The following COPS7B variants were observed in gnomAD, a reference collection of about 807,000 sequenced individuals.
COPS7B encodes the protein COP9 signalosome complex subunit 7b.
COPS7B carries 9 observed loss-of-function variants against 33.4 expected under a neutral mutation model. That is an observed-to-expected ratio of 0.27 (90% CI 0.16 to 0.47). The LOEUF (loss-of-function observed/expected upper bound fraction) is 0.47. Ranked by LOEUF, COPS7B falls within the 20% of genes least tolerant of loss-of-function variation. The pLI, the probability that COPS7B is intolerant of heterozygous loss-of-function variation, is 0.99. For missense variants in COPS7B, 242 were observed against 318.2 expected (o/e 0.76, Z 1.82); for synonymous variants, 119 against 126.3 (o/e 0.94, Z 0.39).
At position 231,786,514 on chromosome 2, in the gene COPS7B, G is replaced by C; in HGVS notation, c.-41G>C. The C allele has an allele frequency of 1.0e-6, 1 of 985,898 alleles. No homozygotes were observed. The highest frequency in any genetic ancestry group is 1.7e-5 in the African/African-American group (1 of 57,376). The allele number at this position is 985,898 out of a possible 1,614,324, so 61.1% of individuals were successfully genotyped here. A position where few individuals can be genotyped will look rare whatever the true frequency, so the allele number is the denominator to read the frequency against. ...GCCGGGAGGCCGAGCCAGCGACTAA[G>C]AGGACCGAGAGGTGGCGTGGACAGG... On this transcript the variant is annotated 5_prime_UTR_variant, in exon 1 of 7. Transcript: ENST00000350033.
upstream of COPS7B, among the ~76,000 whole-genome samples, chr2:231,782,349 G>A (rs1368390612): frequency 1.3e-5 from 2 of 152,184 alleles, no homozygotes; most frequent in Non-Finnish European, 2.9e-5. Flanking sequence ...GAGGGAGTGT[G>A]ATATTTATTT....
At chr2:231,799,003 A>T (rs772149260) in intron 6 of COPS7B, 39 bp downstream of exon 6, 2 of 1,538,032 alleles carry the variant, frequency 1.3e-6, no homozygotes, top group Admixed American at 1.7e-5. Flanking sequence ...CTCTCCAGGC[A>T]TACCTGTTTA....
intron 1 of COPS7B, among the ~76,000 whole-genome samples, 168 bp downstream of exon 1, chr2:231,786,706 A>G (rs540279106): frequency 1.3e-5 from 2 of 151,714 alleles, no homozygotes; most frequent in East Asian, 3.9e-4. Context: ...CCCTGCTTGG[A>G]GCATACCGCC....
At chr2:231,803,535 A>G (rs1361063864) in intron 6 of COPS7B, among the ~76,000 whole-genome samples, 1 of 152,210 alleles carries the variant, frequency 6.6e-6, no homozygotes, top group Non-Finnish European at 1.5e-5. Context: ...AGCAGTTTCT[A>G]CAGGAGAAAA....
chr2:231,794,919 ATTT>A (rs906484977), intron 4 of COPS7B, among the ~76,000 whole-genome samples: 3 of 135,814 alleles, frequency 2.2e-5, no homozygotes, highest in Admixed American at 7.3e-5. Flanking sequence ...CGCCCGGCTA[ATTT>A]TTTTTTTTTT....
intron 6 of COPS7B, among the ~76,000 whole-genome samples, chr2:231,801,723 C>T (rs2049752986): frequency 6.6e-6 from 1 of 151,512 alleles, no homozygotes; most frequent in Non-Finnish European, 1.5e-5. Context: ...CCACCTCTGG[C>T]TCCCTCTTTG....
upstream of COPS7B, among the ~76,000 whole-genome samples, chr2:231,782,954 TC>T: frequency 6.6e-6 from 1 of 152,196 alleles, no homozygotes; most frequent in Admixed American, 6.5e-5. Flanking sequence ...TCCCTCCCAA[TC>T]AGTATTACAT....
chr2:231,788,369 C>G (rs1386476377), intron 1 of COPS7B, among the ~76,000 whole-genome samples, 186 bp from the exon 2 acceptor site: 6 of 152,206 alleles, frequency 3.9e-5, no homozygotes, highest in Admixed American at 6.5e-5. Context: ...CTCCTCACCT[C>G]AGGTGATCCA....
intron 3 of COPS7B, 197 bp downstream of exon 3, chr2:231,792,005 G>A (rs1243550544): frequency 1.4e-6 from 1 of 691,684 alleles, no homozygotes; most frequent in East Asian, 2.8e-5. Context: ...TGGGTCAAAT[G>A]GGGCCTGTGT....
intron 6 of COPS7B, among the ~76,000 whole-genome samples, chr2:231,802,988 C>T (rs2049790988): frequency 6.6e-6 from 1 of 152,272 alleles, no homozygotes; most frequent in African/African-American, 2.4e-5. Flanking sequence ...CTTAGAGACA[C>T]TTGCCCAAGA....
At chr2:231,794,744 C>T (rs1051497449) in intron 4 of COPS7B, among the ~76,000 whole-genome samples, 1 of 152,106 alleles carries the variant, frequency 6.6e-6, no homozygotes, top group Non-Finnish European at 1.5e-5. Context: ...CTATGTCGGA[C>T]TTGCTAGATT....
Position 231,796,135 on chromosome 2 carries a change from C to A in COPS7B, c.357C>A (p.Asp119Glu). The A allele has an allele frequency of 6.2e-7, 1 of 1,614,046 alleles. No individual in the cohort carries two copies. Among genetic ancestry groups the A allele is most frequent in the African/African-American group, 1.3e-5 (1 of 75,022 alleles). The change falls in exon 5 of 7, where the codon GAC (aspartate) becomes GAA (glutamate). Residue 119 changes from aspartate (D) to glutamate (E), a missense_variant. Physicochemically the swap from Asp to Glu is conservative, Grantham distance 45. Coordinates refer to ENST00000350033, the MANE Select transcript of COPS7B (RefSeq NM_022730.4). ...KCIPYSVLLK[D>E]LEMRNLRELE... ...TCCCCTACTCCGTGTTGCTGAAAGA[C>A]CTGGAGATGCGGAATCTCCGGGAAC...
chr2:231,801,097 G>C, intron 6 of COPS7B: 1 of 1,542,402 alleles, frequency 6.5e-7, no homozygotes, highest in South Asian at 1.2e-5. Flanking sequence ...AGCCAATTTT[G>C]TCAACTGATT....
chr2:231,796,152 T>C lies in COPS7B; in HGVS notation c.374T>C (p.Leu125Pro). Residue 125 changes from leucine (L) to proline (P), a missense_variant, in exon 5 of 7, where the codon CTC becomes CCC. Leu to Pro is a moderately conservative substitution (Grantham distance 98). Coordinates refer to ENST00000350033, the MANE Select transcript of COPS7B (RefSeq NM_022730.4). ...CTGAAAGACCTGGAGATGCGGAATC[T>C]CCGGGAACTAGAAGACCTTATCATT... is the stretch of plus-strand genomic sequence containing the variant. ...VLLKDLEMRN[L>P]RELEDLIIEA... is the part of the protein sequence containing the mutation. 1 of 1,614,138 alleles carries C rather than the reference T, an allele frequency of 6.2e-7. No homozygotes were observed. The highest frequency in any genetic ancestry group is 8.5e-7 in the Non-Finnish European group (1 of 1,180,020).
chr2:231,792,052 A>G, intron 3 of COPS7B: 1 of 652,806 alleles, frequency 1.5e-6, no homozygotes, highest in Non-Finnish European at 2.9e-6. Context: ...TTTGTTTTCC[A>G]GATGAGATTC....
chr2:231,807,466 A>G, intron 6 of COPS7B, 21 bp from the exon 7 acceptor site: 1 of 1,602,606 alleles, frequency 6.2e-7, no homozygotes, highest in Non-Finnish European at 8.5e-7. Context: ...TGAGCACTCC[A>G]ATTCTATATC....
At chr2:231,785,912 T>A (rs978289599), upstream of COPS7B, 4 of 152,246 alleles carry the variant, frequency 2.6e-5, no homozygotes, top group Admixed American at 2.6e-4. Context: ...AAGAACATCG[T>A]CTTCGGCCTC....
At chr2:231,788,437 G>A in intron 1 of COPS7B, 118 bp from the exon 2 acceptor site, 1 of 993,870 alleles carries the variant, frequency 1.0e-6, no homozygotes, top group Non-Finnish European at 1.5e-6. Context: ...CACTTGTCCT[G>A]TTTTTTCTTT....
intron 6 of COPS7B, chr2:231,801,120 T>G: frequency 6.5e-7 from 1 of 1,550,344 alleles, no homozygotes; most frequent in Non-Finnish European, 8.7e-7. Flanking sequence ...TGATCTTTTC[T>G]TTATTTGTCC....
Sources: gnomAD v4.1 joint callset for allele counts (sites outside exome capture counted in the v4.1 genomes callset) on GRCh38, gnomAD v4.1.1 for gene constraint, MANE v1.5 for transcripts, NCBI Gene and HGNC (gene_info 2026-07-23, HGNC 2026-07-21) for gene names.